MED25: variants seen among roughly 807,000 people sequenced by gnomAD.
MED25 encodes mediator complex subunit 25, also known as mediator of RNA polymerase II transcription subunit 25.
Under a neutral mutation model 89.4 loss-of-function variants are expected in MED25, and 62 were observed. The observed-to-expected ratio is 0.69, with a 90% CI of 0.57 to 0.86. MED25 has a LOEUF of 0.86. Among genes scored for constraint, MED25 ranks in the 40% least tolerant of loss-of-function variants. MED25 has a pLI of 0.00. For missense variants in MED25, 905 were observed against 1,005.2 expected (o/e 0.90, Z 1.35); for synonymous variants, 449 against 427.9 (o/e 1.05, Z -0.61).
Position 49,835,068 on chromosome 19 carries a change from TCATG to T in MED25, c.1566_1569del (p.Phe522LeufsTer74), listed in dbSNP as rs2074085486. Reference sequence around the variant, plus strand: ...CTGTACTCGTCCAAGAAGAAGATCTTCATGGGCCTCATCCCCTACGACCAGAGCG... The same window carrying T: ...CTGTACTCGTCCAAGAAGAAGATCTTGGCCTCATCCCCTACGACCAGAGCG... On this transcript the variant is annotated frameshift_variant, in exon 14 of 18. Coordinates refer to ENST00000312865, the MANE Select transcript of MED25 (RefSeq NM_030973.4). LOFTEE classifies it high-confidence loss of function. The surrounding 1 kb of genome is among the most constrained non-coding windows in gnomAD (Gnocchi z 6.2). 1 of 1,614,052 alleles carries T rather than the reference TCATG, an allele frequency of 6.2e-7. No individual in the cohort carries two copies. The highest frequency in any genetic ancestry group is 8.5e-7 in the Non-Finnish European group (1 of 1,179,996).
chr19:49,826,355 T>TCATCAAAAACAAAAGCTG (rs1380641722), intron 3 of MED25, among the ~76,000 whole-genome samples: 10 of 152,106 alleles, frequency 6.6e-5, no homozygotes, highest in Non-Finnish European at 1.3e-4. Context: ...CAAAAGCTGT[T>TCATCAAAAACAAAAGCTG]TTGATGGCTA....
Position 49,830,808 on chromosome 19 carries a change from C to A in MED25, c.1022C>A (p.Ala341Asp). The stretch of plus-strand genomic sequence containing the variant: ...CCTGGCGCCCCCAAGCCACCACCTG[C>A]TTCCCAGCCCAGTCTGGTCTCCACT... ...GPPGAPKPPPASQPSLVSTVA... is the reference protein window; with the variant it reads ...GPPGAPKPPPDSQPSLVSTVA... Residue 341 changes from alanine (A) to aspartate (D), a missense_variant, in exon 9 of 18, where the codon GCT becomes GAT. Ala to Asp is a moderately radical substitution (Grantham distance 126). This residue lies in a region of MED25 where 501 missense variants were observed against 526.9 expected (regional missense o/e 0.95). Transcript: ENST00000312865. This position sits in a 1 kb window ranked among gnomAD's most constrained non-coding sequence, Gnocchi z 4.6. The A allele has an allele frequency of 6.2e-7, 1 of 1,613,472 alleles. No individual in the cohort carries two copies. The highest frequency in any genetic ancestry group is 1.3e-5 in the African/African-American group (1 of 75,056).
At position 49,832,168 on chromosome 19, in the gene MED25, G is replaced by A; in HGVS notation, c.1374+11G>A. ...CCCCAGCAGCTGCTGGTGAGTGGCG[G>A]TGGAGGGCCAGCCCTGCTGCCGGGC... On this transcript the variant is annotated intron_variant, in intron 12 of 17. Coordinates refer to ENST00000312865, the MANE Select transcript of MED25 (RefSeq NM_030973.4). 6.2e-7 allele frequency: 1 copy of A among 1,611,728 alleles called. No individual in the cohort carries two copies.
Position 49,830,171 on chromosome 19 carries a change from TCAG to T in MED25, c.777_779del (p.Ala260del), listed in dbSNP as rs1474541404. The T allele has an allele frequency of 8.1e-6, 13 of 1,600,312 alleles. No homozygotes were observed. The highest frequency in any genetic ancestry group is 1.3e-5 in the African/African-American group (1 of 74,422). On this transcript the variant is annotated inframe_deletion, in exon 7 of 18. Transcript: ENST00000312865. The surrounding 1 kb of genome is among the most constrained non-coding windows in gnomAD (Gnocchi z 4.6). Reference sequence around the variant, plus strand: ...CGCCGCACCCTCAGGTGCCACTCTCTCAGCAGCCCCCCAGCAGCCTCTGCCCCC... The same window carrying T: ...CGCCGCACCCTCAGGTGCCACTCTCTCAGCCCCCCAGCAGCCTCTGCCCCC...
Position 49,830,681 on chromosome 19 carries a change from G to A in MED25, c.908-13G>A, listed in dbSNP as rs749006766. The stretch of plus-strand genomic sequence containing the variant: ...CACTTGTTCCCCACTTCTTCCCTTG[G>A]TCTCTCCCACAGTCTCGCCCATCAC... On this transcript the variant is annotated splice_polypyrimidine_tract_variant and intron_variant, in intron 8 of 17. Coordinates refer to ENST00000312865, the MANE Select transcript of MED25 (RefSeq NM_030973.4). This position sits in a 1 kb window ranked among gnomAD's most constrained non-coding sequence, Gnocchi z 4.6. 4.3e-6 allele frequency: 7 copies of A among 1,613,900 alleles called. No individual in the cohort carries two copies. In the East Asian group the frequency reaches 1.6e-4, roughly 36 times the overall value.
At chr19:49,838,197 A>G (rs1237071638), downstream of MED25, among the ~76,000 whole-genome samples, 1 of 152,198 alleles carries the variant, frequency 6.6e-6, no homozygotes, top group Non-Finnish European at 1.5e-5. Context: ...CTGGTGGCCT[A>G]TGGGCCATCG....
At chr19:49,825,737 A>G (rs1306341628) in intron 3 of MED25, among the ~76,000 whole-genome samples, 2 of 151,768 alleles carry the variant, frequency 1.3e-5, no homozygotes, top group Non-Finnish European at 2.9e-5. Flanking sequence ...AGGCTGAGGC[A>G]GGAGAATCAC....
Position 49,830,474 on chromosome 19 carries a change from C to G in MED25, c.820-37C>G. ...ATACCAGGACTGGGGGGCCATGGTC[C>G]TCACCAGTCCCTTCCCTTCTTCCCT... is the stretch of plus-strand genomic sequence containing the variant. On this transcript the variant is annotated intron_variant, in intron 7 of 17. Coordinates refer to ENST00000312865, the MANE Select transcript of MED25 (RefSeq NM_030973.4). This position sits in a 1 kb window ranked among gnomAD's most constrained non-coding sequence, Gnocchi z 4.6. 6.2e-7 allele frequency: 1 copy of G among 1,603,638 alleles called. No individual in the cohort carries two copies.
intron 3 of MED25, among the ~76,000 whole-genome samples, chr19:49,820,999 G>C (rs1176561663): frequency 2.0e-5 from 3 of 152,232 alleles, no homozygotes; most frequent in Non-Finnish European, 4.4e-5. Flanking sequence ...AATAATGGCT[G>C]CATACTGCAA....
Position 49,822,983 on chromosome 19 carries a change from C to T in MED25, c.305+3687C>T, listed in dbSNP as rs141825551. Among the ~76,000 whole-genome samples the T allele has an allele frequency of 5.9e-3, 891 of 152,198 alleles. 8 individuals are homozygous for T. The highest frequency in any genetic ancestry group is 0.021 in the African/African-American group (860 of 41,546). On this transcript the variant is annotated intron_variant, in intron 3 of 17. Coordinates refer to ENST00000312865, the MANE Select transcript of MED25 (RefSeq NM_030973.4). Reference sequence around the variant, plus strand: ...TTTTAACCTGAGACAGGGTCTTGCTCTGTTGCCCAGATTGGAGTGCAGTGG... The same window carrying T: ...TTTTAACCTGAGACAGGGTCTTGCTTTGTTGCCCAGATTGGAGTGCAGTGG...
chr19:49,828,917 C>T (rs1251044185), intron 4 of MED25, 53 bp from the exon 5 acceptor site: 5 of 1,611,368 alleles, frequency 3.1e-6, no homozygotes, highest in African/African-American at 1.3e-5. Context: ...GTCTGGGTTC[C>T]TTCTCAGGGC....
intron 3 of MED25, among the ~76,000 whole-genome samples, chr19:49,823,894 C>A (rs1436945638): frequency 6.6e-6 from 1 of 152,126 alleles, no homozygotes; most frequent in Non-Finnish European, 1.5e-5. Flanking sequence ...CCTCTACTCA[C>A]TAGATGCCGG....
chr19:49,830,292 T>G lies in MED25; in HGVS notation c.819+74T>G. The G allele has an allele frequency of 6.7e-7, 1 of 1,482,916 alleles. No homozygotes were observed. Among genetic ancestry groups the G allele is most frequent in the Non-Finnish European group, 9.3e-7 (1 of 1,078,382 alleles). 91.9% of individuals were successfully genotyped at this position (1,482,916 alleles called of 1,614,324 possible). A position where few individuals can be genotyped will look rare whatever the true frequency, so the allele number is the denominator to read the frequency against. ...CCTGGCCCCTGGGGAGAAATCTAGTTGCATGTTGGAGCTTGTGGGATGATG... is the reference window on the plus strand; with the variant it reads ...CCTGGCCCCTGGGGAGAAATCTAGTGGCATGTTGGAGCTTGTGGGATGATG... On this transcript the variant is annotated intron_variant, in intron 7 of 17. Coordinates refer to ENST00000312865, the MANE Select transcript of MED25 (RefSeq NM_030973.4). The surrounding 1 kb of genome is among the most constrained non-coding windows in gnomAD (Gnocchi z 4.6).
At chr19:49,828,686 C>A in intron 4 of MED25, 139 bp downstream of exon 4, 1 of 923,236 alleles carries the variant, frequency 1.1e-6, no homozygotes, top group Non-Finnish European at 1.7e-6. Flanking sequence ...AGCCAGGAGG[C>A]TGCAGGTGTG....
rs1482593452 is a variant in MED25 at position 49,829,089 on chromosome 19, A to G, written c.524A>G (p.Glu175Gly). The change falls in exon 5 of 18, where the codon GAG becomes GGG. Residue 175 changes from glutamate to glycine, a missense_variant and splice_region_variant. This residue lies in a region of MED25 where 501 missense variants were observed against 526.9 expected (regional missense o/e 0.95). Coordinates refer to ENST00000312865, the MANE Select transcript of MED25 (RefSeq NM_030973.4). The surrounding 1 kb of genome is among the most constrained non-coding windows in gnomAD (Gnocchi z 4.6). Reference sequence around the variant, plus strand: ...GAGAATCTTGTGCAGCAGATTGGGGAGGTGAGGACTCCAGGGTCTGAGGGA... The same window carrying G: ...GAGAATCTTGTGCAGCAGATTGGGGGGGTGAGGACTCCAGGGTCTGAGGGA... Reference protein sequence around the residue: ...TTENLVQQIGERGIHFSIVSP... With the variant: ...TTENLVQQIGGRGIHFSIVSP... The G allele has an allele frequency of 1.2e-5, 19 of 1,613,118 alleles. No homozygotes were observed. The highest frequency in any genetic ancestry group is 1.6e-5 in the Non-Finnish European group (19 of 1,179,584).
chr19:49,819,760 A>C (rs995090659), intron 3 of MED25: 2 of 313,658 alleles, frequency 6.4e-6, no homozygotes, highest in African/African-American at 4.4e-5. Flanking sequence ...AGATGGGTAC[A>C]TTGTAGCCTC....
At position 49,829,877 on chromosome 19, in the gene MED25, C is replaced by T. The variant is rs368059409; in HGVS notation, c.617C>T (p.Pro206Leu). 1.7e-5 allele frequency: 28 copies of T among 1,613,100 alleles called. No homozygotes were observed. The highest frequency in any genetic ancestry group is 4.0e-5 in the African/African-American group (3 of 74,920). ...EKAAPPALLEPLQPPTDVSQD... is the reference protein window; with the variant it reads ...EKAAPPALLELLQPPTDVSQD... ...GCAGCCCCCCCGGCCTTGCTGGAGC[C>T]GCTGCAGCCTCCGACAGATGTGAGC... The change falls in exon 6 of 18, where the codon CCG becomes CTG. Residue 206 changes from proline (P) to leucine (L), a missense_variant. By Grantham distance (98) the Pro-to-Leu change is moderately conservative (BLOSUM62 -3). This residue lies in a region of MED25 where 501 missense variants were observed against 526.9 expected (regional missense o/e 0.95). Coordinates refer to ENST00000312865, the MANE Select transcript of MED25 (RefSeq NM_030973.4). This position sits in a 1 kb window ranked among gnomAD's most constrained non-coding sequence, Gnocchi z 4.6.
chr19:49,830,356 GC>G lies in MED25; in HGVS notation c.819+140del, dbSNP rs1257516426. 2 of 1,154,302 alleles carry G rather than the reference GC, an allele frequency of 1.7e-6. No individual in the cohort carries two copies. The highest frequency in any genetic ancestry group is 3.1e-5 in the African/African-American group (2 of 65,556). The allele number at this position is 1,154,302 out of a possible 1,614,324, so 71.5% of individuals were successfully genotyped here. A position where few individuals can be genotyped will look rare whatever the true frequency, so the allele number is the denominator to read the frequency against. Reference sequence around the variant, plus strand: ...ACATTGGGAAGGTGGGACTCTTGGGGCCATGGAAGCTCATGTGCTGTGTGAT... The same window carrying G: ...ACATTGGGAAGGTGGGACTCTTGGGGCATGGAAGCTCATGTGCTGTGTGAT... On this transcript the variant is annotated intron_variant, in intron 7 of 17. Coordinates refer to ENST00000312865, the MANE Select transcript of MED25 (RefSeq NM_030973.4). This position sits in a 1 kb window ranked among gnomAD's most constrained non-coding sequence, Gnocchi z 4.6.
chr19:49,828,425 G>T, intron 3 of MED25, 24 bp from the exon 4 acceptor site: 1 of 1,578,172 alleles, frequency 6.3e-7, no homozygotes, highest in Non-Finnish European at 8.7e-7. Flanking sequence ...GCAACCCTGG[G>T]GGCTGACCGC....
Sources: allele counts gnomAD v4.1 joint callset (sites outside exome capture counted in the v4.1 genomes callset), GRCh38; gene constraint gnomAD v4.1.1; regional missense constraint gnomAD v4.1.1; non-coding constraint Gnocchi (gnomAD v3.1); transcripts MANE v1.5; gene names NCBI Gene and HGNC (gene_info 2026-07-23, HGNC 2026-07-21).